Variants in SYN3 observed in about 807,000 individuals in gnomAD.
SYN3 encodes the protein synapsin-3.
SYN3 carries 35 observed loss-of-function variants against 65.8 expected under a neutral mutation model. The observed-to-expected ratio is 0.53, with a 90% confidence interval of 0.41 to 0.70. The LOEUF is 0.70. Ranked by LOEUF, SYN3 falls within the 30% of genes least tolerant of loss-of-function variation. The pLI is 0.00. For missense variants in SYN3, 680 were observed against 749.0 expected, an observed-to-expected ratio of 0.91 and a Z score of 1.08; for synonymous variants, 270 against 292.9, an observed-to-expected ratio of 0.92 and a Z score of 0.80.
intron 1 of SYN3, among the ~76,000 whole-genome samples, chr22:33,024,850 G>A (rs1471930690): frequency 1.3e-5 from 2 of 152,190 alleles, no homozygotes; most frequent in Non-Finnish European, 2.9e-5. Flanking sequence ...GGGAGATGCC[G>A]TTACTGGGCA....
chr22:32,809,717 G>A (rs146571327), intron 6 of SYN3, among the ~76,000 whole-genome samples: 17 of 152,258 alleles, frequency 1.1e-4, no homozygotes, highest in Non-Finnish European at 2.1e-4. Flanking sequence ...AATTATAGCC[G>A]AAAGCAAGGA....
rs368428966 is a variant in SYN3 at position 32,508,707 on chromosome 22, C to T, written c.*4985G>A. Among the ~76,000 whole-genome samples, 9 of 152,154 alleles carry T rather than the reference C, an allele frequency of 5.9e-5. No homozygotes were observed. Among genetic ancestry groups the T allele is most frequent in the African/African-American group, 2.2e-4 (9 of 41,410 alleles). On this transcript the variant is annotated 3_prime_UTR_variant, in exon 14 of 14. Transcript: ENST00000358763. ...CCATATATTGATACTCTTAGAAAAA[C>T]ATCTTTTTACTTCAATCTTAATACT...
At chr22:32,904,588 T>C (rs1185934134) in intron 4 of SYN3, among the ~76,000 whole-genome samples, 2 of 151,844 alleles carry the variant, frequency 1.3e-5, no homozygotes, top group Non-Finnish European at 2.9e-5. Context: ...AGAATTGGGG[T>C]TTTAGAGGCA....
At chr22:32,778,028 A>C (rs140037236) in intron 6 of SYN3, among the ~76,000 whole-genome samples, 74 of 152,322 alleles carry the variant, frequency 4.9e-4, no homozygotes, top group African/African-American at 1.7e-3. Context: ...ACGTGTTAGA[A>C]TAGAGTCTGC....
chr22:32,997,396 C>T (rs921086511), intron 2 of SYN3, among the ~76,000 whole-genome samples: 3 of 152,142 alleles, frequency 2.0e-5, no homozygotes, highest in Non-Finnish European at 2.9e-5. Context: ...GCATCTATCT[C>T]GTGCCACACA....
intron 6 of SYN3, among the ~76,000 whole-genome samples, chr22:32,736,711 C>T (rs1032548571): frequency 1.3e-5 from 2 of 152,122 alleles, no homozygotes; most frequent in African/African-American, 4.8e-5. Context: ...GTACTGTCTC[C>T]TATTTTACAG....
At position 32,966,570 on chromosome 22, in the gene SYN3, A is replaced by G. The variant is rs141681899; in HGVS notation, c.369+14075T>C. Reference sequence around the variant, plus strand: ...AGGAAAGTGACCAAGCCTTCCCTGGATTTTACTGCTTCAGGATACACCTTC... The same window carrying G: ...AGGAAAGTGACCAAGCCTTCCCTGGGTTTTACTGCTTCAGGATACACCTTC... On this transcript the variant is annotated intron_variant, in intron 3 of 13. Transcript: ENST00000358763. Among the ~76,000 whole-genome samples, 470 of 152,206 alleles carry G rather than the reference A, an allele frequency of 3.1e-3. 3 individuals are homozygous for G. Among genetic ancestry groups the G allele is most frequent in the African/African-American group, 0.011 (455 of 41,538 alleles).
intron 10 of SYN3, among the ~76,000 whole-genome samples, chr22:32,531,105 T>TC (rs1302677487): frequency 7.4e-6 from 1 of 135,326 alleles, no homozygotes; most frequent in African/African-American, 2.9e-5. Flanking sequence ...AACAGGCCTT[T>TC]CCTCTTCCCT....
At chr22:32,551,439 A>C (rs1021416870) in intron 7 of SYN3, among the ~76,000 whole-genome samples, 1 of 152,100 alleles carries the variant, frequency 6.6e-6, no homozygotes, top group African/African-American at 2.4e-5. Flanking sequence ...GTGATAGAGG[A>C]ACAACATGGA....
At chr22:32,998,300 T>C (rs1181000719) in intron 2 of SYN3, among the ~76,000 whole-genome samples, 1 of 152,208 alleles carries the variant, frequency 6.6e-6, no homozygotes, top group African/African-American at 2.4e-5. Flanking sequence ...TCATTAATCC[T>C]TGTTTGGTAG....
chr22:32,726,971 GTT>G lies in SYN3; in HGVS notation c.712-130237_712-130236del, dbSNP rs35000501. Among the ~76,000 whole-genome samples the G allele has an allele frequency of 1.6e-4, 23 of 146,682 alleles. 1 individual carries two copies. The highest frequency in any genetic ancestry group is 1.1e-3 in the South Asian group (5 of 4,608). ...ATGCTTGCATTGAAACTGGAATGAA[GTT>G]TTTTTTTTTTTTTCCCCAACTGTTA... On this transcript the variant is annotated intron_variant, in intron 6 of 13. Coordinates refer to ENST00000358763, the MANE Select transcript of SYN3 (RefSeq NM_003490.4).
At chr22:32,894,245 A>C (rs2146491846) in intron 4 of SYN3, among the ~76,000 whole-genome samples, 2 of 152,338 alleles carry the variant, frequency 1.3e-5, no homozygotes, top group Middle Eastern at 3.4e-3. Context: ...CTAGAGAATA[A>C]AATGTCCTTC....
chr22:33,031,402 A>C (rs2053753367), intron 1 of SYN3, among the ~76,000 whole-genome samples: 1 of 151,470 alleles, frequency 6.6e-6, no homozygotes, highest in Admixed American at 6.6e-5. Flanking sequence ...ACCACCACCA[A>C]CCCTTATCTT....
intron 6 of SYN3, among the ~76,000 whole-genome samples, chr22:32,788,575 T>C (rs1026899392): frequency 6.6e-6 from 1 of 152,056 alleles, no homozygotes; most frequent in Non-Finnish European, 1.5e-5. Context: ...GATTTAAAAA[T>C]ACAGTATAAC....
At chr22:32,794,889 G>A (rs984660696) in intron 6 of SYN3, among the ~76,000 whole-genome samples, 11 of 152,176 alleles carry the variant, frequency 7.2e-5, no homozygotes, top group African/African-American at 1.2e-4. Context: ...TATTGGTGGC[G>A]GCTAGATTCC....
At chr22:32,732,408 C>A (rs748148287) in intron 6 of SYN3, among the ~76,000 whole-genome samples, 23 of 152,194 alleles carry the variant, frequency 1.5e-4, no homozygotes, top group East Asian at 5.8e-4. Context: ...CAGATTCTCA[C>A]CTGCTGAACT....
At chr22:32,719,894 G>GT (rs2061092678) in intron 6 of SYN3, among the ~76,000 whole-genome samples, 1 of 152,138 alleles carries the variant, frequency 6.6e-6, no homozygotes, top group African/African-American at 2.4e-5. Context: ...ATTGAATGAG[G>GT]GAAATAGTCT....
intron 6 of SYN3, among the ~76,000 whole-genome samples, chr22:32,805,998 T>C (rs2046724322): frequency 6.6e-6 from 1 of 151,932 alleles, no homozygotes; most frequent in Non-Finnish European, 1.5e-5. Flanking sequence ...TCTTTGGCTA[T>C]TAGATCTGGA....
intron 6 of SYN3, among the ~76,000 whole-genome samples, chr22:32,852,342 C>G (rs1569275876): frequency 6.6e-6 from 1 of 152,068 alleles, no homozygotes; most frequent in Non-Finnish European, 1.5e-5. Flanking sequence ...TTTTAGTTCC[C>G]AGGGAACAAA....
Sources: gnomAD v4.1 joint callset for allele counts (sites outside exome capture counted in the v4.1 genomes callset) on GRCh38, gnomAD v4.1.1 for gene constraint, MANE v1.5 for transcripts, NCBI Gene and HGNC (gene_info 2026-07-23, HGNC 2026-07-21) for gene names.